Variants in GRB2 observed in about 807,000 individuals in gnomAD.
GRB2 encodes growth factor receptor bound protein 2.
Under a neutral mutation model 27.4 loss-of-function variants are expected in GRB2, and 2 were observed. The observed-to-expected ratio is 0.07, with a 90% CI of 0.03 to 0.23. The LOEUF is 0.23. Ranked by LOEUF, GRB2 falls within the 10% of genes least tolerant of loss-of-function variation. The pLI is 1.00. For synonymous variants in GRB2, 94 were observed against 99.6 expected (o/e 0.94, Z 0.33); for missense variants, 102 against 282.4 (o/e 0.36, Z 4.58).
At chr17:75,388,250 G>A (rs1490934278) in intron 2 of GRB2, among the ~76,000 whole-genome samples, 3 of 151,610 alleles carry the variant, frequency 2.0e-5, no homozygotes, top group Non-Finnish European at 4.4e-5. Flanking sequence ...GTACGCACGC[G>A]CACCACCGGG....
intron 2 of GRB2, among the ~76,000 whole-genome samples, chr17:75,389,284 C>G (rs1409191540): frequency 9.7e-6 from 1 of 103,200 alleles, no homozygotes; most frequent in African/African-American, 3.9e-5. Context: ...TCCTCCTTCT[C>G]TTAACCTACA....
intron 2 of GRB2, chr17:75,344,409 T>G (rs987867429): frequency 7.6e-6 from 1 of 130,790 alleles, no homozygotes; most frequent in African/African-American, 2.6e-5. Context: ...TTTTTTTTTT[T>G]CAGACAGAGT....
chr17:75,380,865 A>G (rs1484406396), intron 2 of GRB2, among the ~76,000 whole-genome samples: 2 of 152,262 alleles, frequency 1.3e-5, no homozygotes, highest in Non-Finnish European at 2.9e-5. Context: ...ACATAGTCCT[A>G]TAAAACACTG....
intron 4 of GRB2, among the ~76,000 whole-genome samples, chr17:75,322,044 G>C (rs1385273183): frequency 6.6e-6 from 1 of 152,124 alleles, no homozygotes; most frequent in East Asian, 1.9e-4. Flanking sequence ...AGAGGGACAG[G>C]CCATCAGTCA....
intron 2 of GRB2, among the ~76,000 whole-genome samples, chr17:75,343,755 T>C (rs1430400127): frequency 6.6e-6 from 1 of 152,158 alleles, no homozygotes; most frequent in Non-Finnish European, 1.5e-5. Context: ...TTGCGTTTTG[T>C]GACATGTGGA....
intron 2 of GRB2, among the ~76,000 whole-genome samples, chr17:75,353,638 T>C (rs1291258037): frequency 1.3e-5 from 2 of 151,904 alleles, no homozygotes; most frequent in Non-Finnish European, 2.9e-5. Context: ...CACATGCCTG[T>C]AATCCCAGCT....
intron 2 of GRB2, among the ~76,000 whole-genome samples, chr17:75,351,008 G>A (rs535275120): frequency 1.9e-3 from 293 of 152,218 alleles, no homozygotes; most frequent in African/African-American, 6.8e-3. Context: ...TAAGGACTTG[G>A]GGAATTTGCT....
At chr17:75,401,055 C>A (rs555489694) in intron 1 of GRB2, among the ~76,000 whole-genome samples, 1 of 151,818 alleles carries the variant, frequency 6.6e-6, no homozygotes, top group East Asian at 1.9e-4. Flanking sequence ...CTCCACCTCC[C>A]GGGTTCAAGC....
intron 2 of GRB2, among the ~76,000 whole-genome samples, chr17:75,357,677 T>G (rs996133994): frequency 1.3e-5 from 2 of 152,130 alleles, no homozygotes; most frequent in African/African-American, 4.8e-5. Context: ...TCCTAGCACT[T>G]TGGGAGGCCG....
intron 2 of GRB2, among the ~76,000 whole-genome samples, chr17:75,346,841 G>A (rs1312163131): frequency 1.3e-5 from 2 of 151,990 alleles, no homozygotes; most frequent in African/African-American, 4.8e-5. Flanking sequence ...GGGATTACAG[G>A]CATGAGCCAC....
rs558702439 is a variant in GRB2, at chr17:75,393,032, A to G, written c.78+519T>C. Among the ~76,000 whole-genome samples the G allele has an allele frequency of 6.6e-4, 100 of 152,340 alleles. 3 individuals carry two copies. In the South Asian group the frequency reaches 0.021, roughly 32 times the overall value. On this transcript the variant is annotated intron_variant, in intron 2 of 5. Coordinates refer to ENST00000316804, the MANE Select transcript of GRB2 (RefSeq NM_002086.5). ...CTCCATTTGTTTTTTCACAAAGAAT[A>G]AAAATACACTGAAGTTCTTTAATGA...
At chr17:75,323,067 C>T (rs1029068822) in intron 4 of GRB2, among the ~76,000 whole-genome samples, 2 of 148,880 alleles carry the variant, frequency 1.3e-5, no homozygotes, top group East Asian at 2.0e-4. Flanking sequence ...TGCAGTGAGC[C>T]GAGATTGGGC....
chr17:75,345,534 G>A (rs890763523), intron 2 of GRB2, among the ~76,000 whole-genome samples: 1 of 152,108 alleles, frequency 6.6e-6, no homozygotes, highest in African/African-American at 2.4e-5. Context: ...AAAACTCAAG[G>A]CTGGGGTCCT....
intron 1 of GRB2, among the ~76,000 whole-genome samples, chr17:75,396,294 G>A (rs2079028898): frequency 6.6e-6 from 1 of 151,782 alleles, no homozygotes; most frequent in African/African-American, 2.4e-5. Context: ...CCAGGCACGA[G>A]TGCAGTGGCA....
chr17:75,336,831 G>T (rs1033522083), intron 2 of GRB2, among the ~76,000 whole-genome samples: 1 of 151,990 alleles, frequency 6.6e-6, no homozygotes, highest in East Asian at 1.9e-4. Flanking sequence ...TCCACTTCCC[G>T]GGTTCAAGTG....
intron 2 of GRB2, among the ~76,000 whole-genome samples, chr17:75,363,577 G>A (rs771958468): frequency 2.6e-4 from 39 of 152,042 alleles, no homozygotes; most frequent in African/African-American, 3.9e-4. Flanking sequence ...GCAAACTAGC[G>A]GGCCGGGCAT....
At chr17:75,380,784 C>A (rs1322150669) in intron 2 of GRB2, among the ~76,000 whole-genome samples, 2 of 152,050 alleles carry the variant, frequency 1.3e-5, no homozygotes, top group Middle Eastern at 3.2e-3. Context: ...ATAAAATGTG[C>A]GGCGGAAAAA....
chr17:75,336,398 G>A (rs2078577103), intron 2 of GRB2, among the ~76,000 whole-genome samples: 1 of 152,162 alleles, frequency 6.6e-6, no homozygotes, highest in Non-Finnish European at 1.5e-5. Flanking sequence ...CTGACAAAGA[G>A]CTGCTTGTAA....
chr17:75,390,540 CG>C, intron 2 of GRB2, among the ~76,000 whole-genome samples: 1 of 152,218 alleles, frequency 6.6e-6, no homozygotes, highest in East Asian at 1.9e-4. Context: ...TCTCCCTCCC[CG>C]AGCCAAGAAA....
Sources: allele counts gnomAD v4.1 joint callset (sites outside exome capture counted in the v4.1 genomes callset), GRCh38; gene constraint gnomAD v4.1.1; transcripts MANE v1.5; gene names NCBI Gene and HGNC (gene_info 2026-07-23, HGNC 2026-07-21).